Variants in NADSYN1 observed in about 807,000 individuals in gnomAD.
The protein encoded by NADSYN1 is NAD synthetase 1.
A neutral mutation model predicts 99.3 loss-of-function variants in NADSYN1; 80 were observed. That is an observed-to-expected ratio of 0.81 (90% CI 0.67 to 0.97). The LOEUF (loss-of-function observed/expected upper bound fraction) is 0.97, where lower values mean the gene tolerates loss of function less well. Ranked by LOEUF, NADSYN1 falls within the 50% of genes least tolerant of loss-of-function variation. NADSYN1 has a pLI of 0.00. For synonymous variants in NADSYN1, 385 were observed against 372.1 expected (o/e 1.03, Z -0.40); for missense variants, 859 against 948.5 (o/e 0.91, Z 1.24).
At position 71,453,240 on chromosome 11, in the gene NADSYN1, T is replaced by G; in HGVS notation, c.-57T>G. ...CCGGCGTCCCAGCCGCCTACCTCGC[T>G]GGGACCCTGGTCTTGCTGTCCCCCG... is the stretch of plus-strand genomic sequence containing the variant. On this transcript the variant is annotated 5_prime_UTR_variant, in exon 1 of 21. Transcript: ENST00000319023. 1 of 1,520,794 alleles carries G rather than the reference T, an allele frequency of 6.6e-7. No homozygotes were observed. Among genetic ancestry groups the G allele is most frequent in the Non-Finnish European group, 9.1e-7 (1 of 1,104,574 alleles). 94.2% of individuals were successfully genotyped at this position (1,520,794 alleles called of 1,614,324 possible). A position where few individuals can be genotyped will look rare whatever the true frequency, so the allele number is the denominator to read the frequency against.
chr11:71,456,307 C>T (rs1363080256), intron 2 of NADSYN1, among the ~76,000 whole-genome samples: 4 of 152,208 alleles, frequency 2.6e-5, no homozygotes, highest in African/African-American at 9.7e-5. Flanking sequence ...TTACTTTGTT[C>T]TTTAATTTGT....
chr11:71,485,130 G>C (rs948474946), intron 15 of NADSYN1: 7 of 172,402 alleles, frequency 4.1e-5, no homozygotes, highest in Admixed American at 1.1e-4. Context: ...AGAGAGGCCG[G>C]GGGCTCCAGC....
intron 3 of NADSYN1, among the ~76,000 whole-genome samples, chr11:71,461,773 C>T (rs548378303): frequency 6.6e-6 from 1 of 152,322 alleles, no homozygotes; most frequent in East Asian, 1.9e-4. Context: ...CCCACTCACT[C>T]ACTGTCAGGA....
chr11:71,486,073 G>A (rs977176618), intron 16 of NADSYN1, among the ~76,000 whole-genome samples: 1 of 152,090 alleles, frequency 6.6e-6, no homozygotes, highest in African/African-American at 2.4e-5. Flanking sequence ...AAAACTCAGA[G>A]CCTCCCTGTT....
At chr11:71,487,799 C>A (rs1402583907) in intron 16 of NADSYN1, among the ~76,000 whole-genome samples, 1 of 148,156 alleles carries the variant, frequency 6.7e-6, no homozygotes, top group African/African-American at 2.5e-5. Context: ...CCACTGCACT[C>A]CAGCCTGGGC....
intron 9 of NADSYN1, chr11:71,476,472 T>C (rs1949666748): frequency 5.1e-6 from 1 of 195,718 alleles, no homozygotes; most frequent in Non-Finnish European, 9.8e-6. Context: ...CGGAGGCGGT[T>C]ACAAAACCAA....
chr11:71,477,277 C>G lies in NADSYN1; in HGVS notation c.799-1118C>G. Reference sequence around the variant, plus strand: ...GGGATGGAGCCACCTTCTCATGGAACGATCCTCGCCTTCCCTCATCTCCAT... The same window carrying G: ...GGGATGGAGCCACCTTCTCATGGAAGGATCCTCGCCTTCCCTCATCTCCAT... On this transcript the variant is annotated intron_variant, in intron 9 of 20. Transcript: ENST00000319023. 3.2e-6 allele frequency: 4 copies of G among 1,246,750 alleles called. No individual in the cohort carries two copies. In the East Asian group the frequency reaches 2.4e-4, roughly 74 times the overall value. 77.2% of individuals were successfully genotyped at this position (1,246,750 alleles called of 1,614,324 possible). A position where few individuals can be genotyped will look rare whatever the true frequency, so the allele number is the denominator to read the frequency against.
At chr11:71,481,830 G>A (rs1400148319) in intron 12 of NADSYN1, 93 bp from the exon 13 acceptor site, 3 of 1,095,450 alleles carry the variant, frequency 2.7e-6, no homozygotes, top group Admixed American at 2.2e-5. Context: ...TTCTGTGGAC[G>A]CCTCCTTGAG....
intron 9 of NADSYN1, chr11:71,475,584 G>C (rs930186635): frequency 1.3e-5 from 2 of 159,170 alleles, no homozygotes; most frequent in African/African-American, 2.4e-5. Context: ...CACATTCTGC[G>C]GCTAAAGATG....
chr11:71,489,459 C>T (rs958664769), intron 16 of NADSYN1, among the ~76,000 whole-genome samples: 2 of 152,140 alleles, frequency 1.3e-5, no homozygotes, highest in Non-Finnish European at 2.9e-5. Context: ...TTGAGCTGAG[C>T]TCTGCACTGC....
intron 11 of NADSYN1, 94 bp from the exon 12 acceptor site, chr11:71,481,262 G>A (rs770210866): frequency 3.9e-6 from 5 of 1,292,440 alleles, no homozygotes; most frequent in Non-Finnish European, 5.6e-6. Context: ...GTTGACTCTG[G>A]CACTGCAGCC....
At chr11:71,470,790 CTTCTG>C (rs1360142567) in intron 5 of NADSYN1, among the ~76,000 whole-genome samples, 2 of 152,178 alleles carry the variant, frequency 1.3e-5, no homozygotes, top group Non-Finnish European at 2.9e-5. Context: ...CGTTCTTTTG[CTTCTG>C]TTCTGTTCTT....
Position 71,501,422 on chromosome 11 carries a change from C to A in NADSYN1, c.*70C>A. ...ACCTCATCATCAGCATTGCTGGAGC[C>A]AAGGGTAGGAGCCCTACACTAGGAG... On this transcript the variant is annotated 3_prime_UTR_variant, in exon 21 of 21. Transcript: ENST00000319023. 6.8e-7 allele frequency: 1 copy of A among 1,478,820 alleles called. No homozygotes were observed. The highest frequency in any genetic ancestry group is 2.0e-5 in the Admixed American group (1 of 50,974). 91.6% of individuals were successfully genotyped at this position (1,478,820 alleles called of 1,614,324 possible).
chr11:71,482,955 C>T lies in NADSYN1; in HGVS notation c.1257C>T (p.Ala419=). The change falls in exon 14 of 21, where the codon GCC becomes GCT. Residue 419 remains alanine, a synonymous_variant. Transcript: ENST00000319023. ...GCATACTGACCACCTGCTACATGGC[C>T]AGCAAGAACTCCTCCCAGGAGACGT... ...CGRILTTCYM[A]SKNSSQETCT... is the part of the protein sequence containing the mutation. 6.2e-7 allele frequency: 1 copy of T among 1,613,144 alleles called. No individual in the cohort carries two copies. Among genetic ancestry groups the T allele is most frequent in the Non-Finnish European group, 8.5e-7 (1 of 1,179,662 alleles).
intron 2 of NADSYN1, among the ~76,000 whole-genome samples, chr11:71,457,438 A>G (rs961954587): frequency 1.4e-4 from 22 of 152,236 alleles, no homozygotes; most frequent in African/African-American, 4.8e-4. Context: ...AACTTCTTGA[A>G]GAGTTATAAG....
intron 6 of NADSYN1, among the ~76,000 whole-genome samples, chr11:71,472,834 A>C (rs1417194300): frequency 5.3e-5 from 8 of 152,224 alleles, no homozygotes; most frequent in African/African-American, 1.9e-4. Flanking sequence ...ATCTAGACCA[A>C]CAGCAAAATG....
At chr11:71,484,716 T>A in intron 15 of NADSYN1, 1 of 455,604 alleles carries the variant, frequency 2.2e-6, no homozygotes, top group Non-Finnish European at 4.0e-6. Flanking sequence ...GGTGTAAGGA[T>A]GTGCGTGCTC....
intron 9 of NADSYN1, chr11:71,475,510 T>C (rs917437060): frequency 1.3e-5 from 2 of 153,440 alleles, no homozygotes; most frequent in Non-Finnish European, 2.9e-5. Context: ...GAGCTGCCGC[T>C]TGGAATGGGG....
At chr11:71,481,467 C>A in intron 12 of NADSYN1, 63 bp downstream of exon 12, 1 of 1,489,752 alleles carries the variant, frequency 6.7e-7, no homozygotes, top group Non-Finnish European at 9.3e-7. Flanking sequence ...TGGTTTTATT[C>A]TGGGGCAGGG....
Sources: gnomAD v4.1 joint callset for allele counts (sites outside exome capture counted in the v4.1 genomes callset) on GRCh38, gnomAD v4.1.1 for gene constraint, MANE v1.5 for transcripts, NCBI Gene and HGNC (gene_info 2026-07-23, HGNC 2026-07-21) for gene names.